ULK4: variants seen among roughly 807,000 people sequenced by gnomAD.
The protein encoded by ULK4 is inactive serine/threonine-protein kinase ULK4.
ULK4 carries 133 observed loss-of-function variants against 160.6 expected under a neutral mutation model. That is an observed-to-expected ratio of 0.83 (90% CI 0.72 to 0.96). ULK4 has a LOEUF of 0.96. Among genes scored for constraint, ULK4 ranks in the 40% least tolerant of loss-of-function variants. The pLI is 0.00. For missense variants in ULK4, 1,580 were observed against 1,499.5 expected, an observed-to-expected ratio of 1.05 and a Z score of -0.89; for synonymous variants, 534 against 539.8, an observed-to-expected ratio of 0.99 and a Z score of 0.15.
intron 18 of ULK4, among the ~76,000 whole-genome samples, chr3:41,830,049 A>G (rs1042035720): frequency 2.0e-5 from 3 of 151,992 alleles, no homozygotes; most frequent in Non-Finnish European, 4.4e-5. Flanking sequence ...CGCAAGGACA[A>G]AAAACCAAAC....
intron 32 of ULK4, among the ~76,000 whole-genome samples, chr3:41,564,740 T>G (rs2087728652): frequency 6.6e-6 from 1 of 152,048 alleles, no homozygotes; most frequent in African/African-American, 2.4e-5. Flanking sequence ...ATTACAAGCG[T>G]GAGCCACTGC....
At chr3:41,722,387 G>A (rs2037502449) in intron 22 of ULK4, among the ~76,000 whole-genome samples, 1 of 152,152 alleles carries the variant, frequency 6.6e-6, no homozygotes, top group Non-Finnish European at 1.5e-5. Context: ...CCAGCACTTT[G>A]GGAGGCCATG....
At chr3:41,626,463 T>G (rs1301183116) in intron 30 of ULK4, among the ~76,000 whole-genome samples, 1 of 152,078 alleles carries the variant, frequency 6.6e-6, no homozygotes, top group African/African-American at 2.4e-5. Flanking sequence ...GTGCTGTGAT[T>G]ATTAAATAAT....
chr3:41,758,764 T>G (rs1468269077), intron 21 of ULK4, among the ~76,000 whole-genome samples: 1 of 151,342 alleles, frequency 6.6e-6, no homozygotes, highest in Admixed American at 6.6e-5. Flanking sequence ...TCCCAGCTAC[T>G]CGGGAGGCTG....
intron 27 of ULK4, among the ~76,000 whole-genome samples, chr3:41,700,494 C>G (rs1351955240): frequency 6.6e-6 from 1 of 152,186 alleles, no homozygotes; most frequent in Non-Finnish European, 1.5e-5. Context: ...AAGTTATGAT[C>G]TCAGACCTAC....
At chr3:41,746,771 A>G (rs1221583419) in intron 22 of ULK4, among the ~76,000 whole-genome samples, 2 of 151,950 alleles carry the variant, frequency 1.3e-5, no homozygotes, top group African/African-American at 4.9e-5. Flanking sequence ...ACAGTAATCA[A>G]GACAATGTTG....
At chr3:41,706,355 A>G (rs1337799428) in intron 25 of ULK4, among the ~76,000 whole-genome samples, 1 of 144,386 alleles carries the variant, frequency 6.9e-6, no homozygotes, top group East Asian at 2.0e-4. Context: ...AATAATATAT[A>G]TATATTTATA....
At chr3:41,877,413 G>A (rs902281510) in intron 17 of ULK4, among the ~76,000 whole-genome samples, 4 of 151,544 alleles carry the variant, frequency 2.6e-5, no homozygotes, top group African/African-American at 4.8e-5. Context: ...AGCAGCCTCC[G>A]CCTCCTGGGT....
At chr3:41,421,678 G>T (rs1481246549) in intron 34 of ULK4, among the ~76,000 whole-genome samples, 1 of 152,054 alleles carries the variant, frequency 6.6e-6, no homozygotes, top group Non-Finnish European at 1.5e-5. Flanking sequence ...GTGGGGAGGG[G>T]ATTTTCTTGC....
chr3:41,713,844 C>T (rs1039476170), intron 25 of ULK4, among the ~76,000 whole-genome samples: 3 of 152,202 alleles, frequency 2.0e-5, no homozygotes, highest in Non-Finnish European at 2.9e-5. Context: ...AAAGACTTTT[C>T]TGTTGGAAAA....
intron 31 of ULK4, among the ~76,000 whole-genome samples, chr3:41,578,785 GAAT>G (rs1186689962): frequency 2.0e-5 from 3 of 152,148 alleles, no homozygotes; most frequent in Non-Finnish European, 2.9e-5. Flanking sequence ...GGACAAGTGG[GAAT>G]AATAAGGAAA....
rs60007502 is a variant in ULK4 at position 41,953,304 on chromosome 3, A to AT, written c.138+1317dup. On this transcript the variant is annotated intron_variant, in intron 2 of 36. Transcript: ENST00000301831. ...TATACACATATATATATATATATAT[A>AT]TTTTTTTTTTTTTTTGAGATGGAGT... Among the ~76,000 whole-genome samples, 1,221 of 124,796 alleles carry AT rather than the reference A, an allele frequency of 9.8e-3. 30 individuals carry two copies. The highest frequency in any genetic ancestry group is 0.033 in the African/African-American group (1,056 of 32,080). The allele number at this position is 124,796 out of a possible 152,430, so 81.9% of individuals were successfully genotyped here.
intron 27 of ULK4, among the ~76,000 whole-genome samples, chr3:41,701,272 C>T (rs1465307565): frequency 6.6e-6 from 1 of 151,818 alleles, no homozygotes; most frequent in Non-Finnish European, 1.5e-5. Flanking sequence ...TATTTAGTTA[C>T]ATCATAGTGA....
chr3:41,626,313 A>G (rs1218980146), intron 30 of ULK4, among the ~76,000 whole-genome samples: 1 of 152,186 alleles, frequency 6.6e-6, no homozygotes, highest in Non-Finnish European at 1.5e-5. Context: ...TCCAAGTGTC[A>G]ATACACAATA....
intron 21 of ULK4, among the ~76,000 whole-genome samples, chr3:41,776,348 A>G (rs997735763): frequency 6.6e-6 from 1 of 150,706 alleles, no homozygotes; most frequent in African/African-American, 2.5e-5. Context: ...AAGTTTCCCT[A>G]CAACAAGATC....
rs1349189571 is a variant in ULK4 at position 41,603,016 on chromosome 3, T to C, written c.3120+12653A>G. Among the ~76,000 whole-genome samples, 3 of 152,132 alleles carry C rather than the reference T, an allele frequency of 2.0e-5. No homozygotes were observed. In the East Asian group the frequency reaches 5.8e-4, roughly 29 times the overall value. ...TCAGATTAAATATAAAAGGTCTAAA[T>C]ATACACTGAAAAGACAGGTTTGTGG... On this transcript the variant is annotated intron_variant, in intron 31 of 36. Transcript: ENST00000301831.
chr3:41,431,489 T>G (rs1428811009), intron 34 of ULK4, among the ~76,000 whole-genome samples: 1 of 150,292 alleles, frequency 6.7e-6, no homozygotes, highest in African/African-American at 2.4e-5. Context: ...CTAAGAGTTC[T>G]TCATGCATTA....
intron 21 of ULK4, among the ~76,000 whole-genome samples, chr3:41,772,160 T>A (rs796451787): frequency 3.8e-4 from 58 of 152,170 alleles, no homozygotes; most frequent in African/African-American, 1.4e-3. Flanking sequence ...TTAAAAGAAC[T>A]AGAGAAGCAA....
At chr3:41,323,164 C>T (rs146391544) in intron 35 of ULK4, among the ~76,000 whole-genome samples, 3,344 of 151,878 alleles carry the variant, frequency 0.022, 86 homozygotes, top group African/African-American at 0.069. Flanking sequence ...CGTGAACTCC[C>T]GACCTCAGGT....
Sources: gnomAD v4.1 joint callset for allele counts (sites outside exome capture counted in the v4.1 genomes callset) on GRCh38, gnomAD v4.1.1 for gene constraint, MANE v1.5 for transcripts, NCBI Gene and HGNC (gene_info 2026-07-23, HGNC 2026-07-21) for gene names.